The following DUSP11 variants were observed in gnomAD, a reference collection of about 807,000 sequenced individuals.
DUSP11 encodes the protein RNA/RNP complex-1-interacting phosphatase.
A neutral mutation model predicts 41.4 loss-of-function variants in DUSP11; 27 were observed. The ratio of observed to expected loss-of-function variants is 0.65; its 90% CI spans 0.48 to 0.90. DUSP11 has a LOEUF of 0.90. Ranked by LOEUF, DUSP11 falls within the 40% of genes least tolerant of loss-of-function variation. The pLI is 0.00. For synonymous variants in DUSP11, 188 were observed against 159.3 expected (o/e 1.18, Z -1.35); for missense variants, 465 against 461.1 (o/e 1.01, Z -0.08).
chr2:73,772,941 A>G (rs1391768945), intron 4 of DUSP11, among the ~76,000 whole-genome samples: 1 of 152,222 alleles, frequency 6.6e-6, no homozygotes, highest in Non-Finnish European at 1.5e-5. Context: ...TTTATGTAAC[A>G]AAGTGTACAC....
At chr2:73,775,370 C>CTT (rs60660160) in intron 2 of DUSP11, among the ~76,000 whole-genome samples, 8 of 127,368 alleles carry the variant, frequency 6.3e-5, no homozygotes, top group Non-Finnish European at 1.0e-4. Context: ...TATTTCTTTT[C>CTT]TTTTTTTTTT....
chr2:73,764,890 T>C (rs1015545064), intron 8 of DUSP11, among the ~76,000 whole-genome samples: 35 of 152,114 alleles, frequency 2.3e-4, no homozygotes, highest in African/African-American at 8.0e-4. Context: ...TGCTTGAACC[T>C]GGGAGGTGGA....
intron 7 of DUSP11, 105 bp downstream of exon 7, chr2:73,766,723 C>A: frequency 7.3e-7 from 1 of 1,364,316 alleles, no homozygotes; most frequent in South Asian, 1.3e-5. Flanking sequence ...ACATCTCCCC[C>A]CAACAAACAA....
chr2:73,767,113 C>T (rs760245494), intron 6 of DUSP11, 48 bp downstream of exon 6: 4 of 1,531,728 alleles, frequency 2.6e-6, no homozygotes, highest in Non-Finnish European at 2.7e-6. Flanking sequence ...TACATTTCCA[C>T]CTTTAACTTT....
chr2:73,763,002 A>C, intron 8 of DUSP11, 143 bp from the exon 9 acceptor site: 1 of 299,716 alleles, frequency 3.3e-6, no homozygotes, highest in Non-Finnish European at 5.7e-6. Context: ...TACCTGTGTG[A>C]CCTAAGCAGA....
chr2:73,766,570 C>G (rs1288825690), exon 8 of DUSP11: 4 of 1,611,154 alleles, frequency 2.5e-6, no homozygotes, highest in Non-Finnish European at 2.5e-6. Flanking sequence ...AATCACTTGA[C>G]CTGGGTACAC....
At chr2:73,768,396 A>G (rs1333921177) in intron 5 of DUSP11, 3 of 956,266 alleles carry the variant, frequency 3.1e-6, no homozygotes, top group Middle Eastern at 5.3e-4. Flanking sequence ...CACGCAGCAC[A>G]CTGCTTACAC....
At chr2:73,773,977 T>C in intron 3 of DUSP11, 54 bp from the exon 4 acceptor site, 2 of 1,411,154 alleles carry the variant, frequency 1.4e-6, no homozygotes, top group South Asian at 2.9e-5. Flanking sequence ...GAGAAATAAT[T>C]AAAGAGTAAT....
At position 73,766,536 on chromosome 2, in the gene DUSP11, G is replaced by A. The variant is rs1171700933; in HGVS notation, c.817C>T (p.Gln273Ter). 5.6e-6 allele frequency: 9 copies of A among 1,613,904 alleles called. No individual in the cohort carries two copies. Among genetic ancestry groups the A allele is most frequent in the Admixed American group, 1.7e-5 (1 of 59,984 alleles). Residue 273 changes from glutamine (Q) to a stop codon, truncating the protein, a stop_gained, in exon 8 of 9, where the codon CAA (glutamine) becomes TAA (stop). Transcript: ENST00000272444. LOFTEE classifies it high-confidence loss of function. ...TTAACAGGCTTATTGTGGACTGGTT[G>A]CATGAGATGTGCTGAGTCTTCAAAA...
intron 6 of DUSP11, 80 bp downstream of exon 6, chr2:73,767,081 T>C (rs1472901753): frequency 6.9e-7 from 1 of 1,458,336 alleles, no homozygotes; most frequent in African/African-American, 1.4e-5. Flanking sequence ...CTTCTTTTTT[T>C]CCAAAATTTG....
At chr2:73,779,722 G>C in intron 1 of DUSP11, 152 bp downstream of exon 1, 1 of 1,163,824 alleles carries the variant, frequency 8.6e-7, no homozygotes, top group Non-Finnish European at 1.2e-6. Context: ...TTCAGCTACA[G>C]CGGGTGGCGC....
exon 1 of DUSP11, chr2:73,779,961 T>G (rs1199028957): frequency 6.2e-7 from 1 of 1,614,254 alleles, no homozygotes. Context: ...GCGGGGATGA[T>G]GCCACTGGCT....
At chr2:73,779,737 G>A (rs1267440051) in intron 1 of DUSP11, 137 bp downstream of exon 1, 21 of 1,341,762 alleles carry the variant, frequency 1.6e-5, no homozygotes, top group Non-Finnish European at 2.1e-5. Context: ...TGGCGCAGAG[G>A]GTCAAAGCCT....
At chr2:73,771,890 C>T (rs1317141091) in intron 4 of DUSP11, among the ~76,000 whole-genome samples, 2 of 145,394 alleles carry the variant, frequency 1.4e-5, no homozygotes, top group South Asian at 4.4e-4. Flanking sequence ...GCGCCATCTC[C>T]GCTCACTGAA....
intron 2 of DUSP11, among the ~76,000 whole-genome samples, chr2:73,775,802 C>T (rs1183717886): frequency 1.4e-5 from 2 of 141,214 alleles, no homozygotes; most frequent in Non-Finnish European, 1.5e-5. Context: ...TGCAGTGAGC[C>T]GAGATCACAC....
At chr2:73,779,736 G>C in intron 1 of DUSP11, 138 bp downstream of exon 1, 1 of 1,326,160 alleles carries the variant, frequency 7.5e-7, no homozygotes, top group Non-Finnish European at 1.0e-6. Context: ...GTGGCGCAGA[G>C]GGTCAAAGCC....
At chr2:73,765,094 T>A (rs1490956776) in intron 8 of DUSP11, among the ~76,000 whole-genome samples, 1 of 152,204 alleles carries the variant, frequency 6.6e-6, no homozygotes, top group Non-Finnish European at 1.5e-5. Flanking sequence ...TAAAGTATTA[T>A]TTCTGGGAGT....
chr2:73,766,035 C>T (rs1478147573), intron 8 of DUSP11, among the ~76,000 whole-genome samples: 1 of 152,188 alleles, frequency 6.6e-6, no homozygotes, highest in Non-Finnish European at 1.5e-5. Flanking sequence ...ATCGGCCAGG[C>T]GCGGTGGCTC....
chr2:73,769,572 C>A (rs1330821139), intron 4 of DUSP11, among the ~76,000 whole-genome samples: 1 of 152,128 alleles, frequency 6.6e-6, no homozygotes, highest in Non-Finnish European at 1.5e-5. Context: ...TGAGACAAAC[C>A]CGTCTATCTT....
Sources: allele counts gnomAD v4.1 joint callset (sites outside exome capture counted in the v4.1 genomes callset), GRCh38; gene constraint gnomAD v4.1.1; transcripts MANE v1.5; gene names NCBI Gene and HGNC (gene_info 2026-07-23, HGNC 2026-07-21).